The following RAP1B variants were observed in gnomAD, a reference collection of about 807,000 sequenced individuals.
The protein encoded by RAP1B is RAP1B, member of RAS oncogene family, also known as ras-related protein Rap-1b.
A neutral mutation model predicts 27.5 loss-of-function variants in RAP1B; 1 was observed. That is an observed-to-expected ratio of 0.04 (90% CI 0.01 to 0.17). The LOEUF (loss-of-function observed/expected upper bound fraction) is 0.17, where lower values mean the gene tolerates loss of function less well. Among genes scored for constraint, RAP1B ranks in the 10% least tolerant of loss-of-function variants. The pLI, the probability that RAP1B is intolerant of heterozygous loss-of-function variation, is 1.00. For synonymous variants in RAP1B, 75 were observed against 73.1 expected, an observed-to-expected ratio of 1.03 and a Z score of -0.13; for missense variants, 84 against 214.8, an observed-to-expected ratio of 0.39 and a Z score of 3.81.
rs139441891 is a variant in RAP1B at position 68,662,059 on chromosome 12, G to GTATA, written c.*2820_*2823dup. 6.9e-6 allele frequency: 1 copy of GTATA among 145,008 alleles called. No individual in the cohort carries two copies. Among genetic ancestry groups the GTATA allele is most frequent in the Non-Finnish European group, 1.5e-5 (1 of 66,350 alleles). The allele number at this position is 145,008 out of a possible 1,614,324, so 9.0% of individuals were successfully genotyped here. A position where few individuals can be genotyped will look rare whatever the true frequency, so the allele number is the denominator to read the frequency against. On this transcript the variant is annotated 3_prime_UTR_variant, in exon 8 of 8. Coordinates refer to ENST00000250559, the MANE Select transcript of RAP1B (RefSeq NM_001010942.3). ...TATATATAGTACATATATAGAGAGA[G>GTATA]TATATATATATATGTAGTACAGTGG...
intron 1 of RAP1B, chr12:68,643,121 A>G (rs1592452944): frequency 1.7e-6 from 1 of 583,486 alleles, no homozygotes; most frequent in East Asian, 2.9e-5. Flanking sequence ...TTTTCTTCCA[A>G]AATCTCTTCA....
intron 1 of RAP1B, chr12:68,626,814 G>C: frequency 6.7e-7 from 1 of 1,486,416 alleles, no homozygotes; most frequent in Admixed American, 1.8e-5. Context: ...GTTTTGGGTG[G>C]ACAGGAAGTA....
chr12:68,667,103 C>A lies in RAP1B; in HGVS notation c.*7854C>A, dbSNP rs1361931857. On this transcript the variant is annotated 3_prime_UTR_variant, in exon 8 of 8. Coordinates refer to ENST00000250559, the MANE Select transcript of RAP1B (RefSeq NM_001010942.3). ...ATCAATGATGACAGAAACTTCCCCC[C>A]TTTTACTTAGATCTAATAGTAATAT... 1 of 152,166 alleles carries A rather than the reference C, an allele frequency of 6.6e-6. No homozygotes were observed. The highest frequency in any genetic ancestry group is 2.4e-5 in the African/African-American group (1 of 41,434). 9.4% of individuals were successfully genotyped at this position (152,166 alleles called of 1,614,324 possible). A position where few individuals can be genotyped will look rare whatever the true frequency, so the allele number is the denominator to read the frequency against.
At position 68,664,162 on chromosome 12, in the gene RAP1B, C is replaced by T. The variant is rs751682845; in HGVS notation, c.*4913C>T. 4 of 152,226 alleles carry T rather than the reference C, an allele frequency of 2.6e-5. No individual in the cohort carries two copies. The highest frequency in any genetic ancestry group is 2.9e-5 in the Non-Finnish European group (2 of 68,012). 9.4% of individuals were successfully genotyped at this position (152,226 alleles called of 1,614,324 possible). On this transcript the variant is annotated 3_prime_UTR_variant, in exon 8 of 8. Transcript: ENST00000250559. ...TTTCCTGAAAACAAAACAGCACACA[C>T]ATATATTACAGGATTTTTATGTAAT...
At chr12:68,627,255 G>T in intron 1 of RAP1B, 1 of 1,125,490 alleles carries the variant, frequency 8.9e-7, no homozygotes, top group South Asian at 1.2e-5. Context: ...GGGTCCCTTA[G>T]AGCAACCCAT....
intron 1 of RAP1B, among the ~76,000 whole-genome samples, chr12:68,638,414 C>T (rs1205379840): frequency 6.6e-6 from 1 of 152,120 alleles, no homozygotes; most frequent in Non-Finnish European, 1.5e-5. Context: ...AATGTGGTTG[C>T]ATCTTGTCCT....
intron 2 of RAP1B, chr12:68,649,624 C>A (rs1309804484): frequency 6.6e-6 from 1 of 152,166 alleles, no homozygotes; most frequent in African/African-American, 2.4e-5. Context: ...ATAAGATAAA[C>A]CATCTTGGCC....
Position 68,667,217 on chromosome 12 carries a change from C to T in RAP1B, c.*7968C>T, listed in dbSNP as rs1344684761. On this transcript the variant is annotated 3_prime_UTR_variant, in exon 8 of 8. Coordinates refer to ENST00000250559, the MANE Select transcript of RAP1B (RefSeq NM_001010942.3). ...CACCTTTAATCAGACATATGTGATT[C>T]ATATGAGAGAAAATTAGTGTTTCTG... The T allele has an allele frequency of 2.0e-5, 3 of 152,158 alleles. No homozygotes were observed. Among genetic ancestry groups the T allele is most frequent in the East Asian group, 3.8e-4 (2 of 5,202 alleles). 9.4% of individuals were successfully genotyped at this position (152,158 alleles called of 1,614,324 possible). A position where few individuals can be genotyped will look rare whatever the true frequency, so the allele number is the denominator to read the frequency against.
intron 5 of RAP1B, among the ~76,000 whole-genome samples, chr12:68,655,084 G>T (rs1382193020): frequency 6.6e-6 from 1 of 152,094 alleles, no homozygotes; most frequent in African/African-American, 2.4e-5. Flanking sequence ...GCCAAGGCGG[G>T]TAGATCCCCT....
At position 68,661,751 on chromosome 12, in the gene RAP1B, TGGTGAAGAACTACTGCTCTGGTG is replaced by T. The variant is rs1420971123; in HGVS notation, c.*2505_*2527del. Reference sequence around the variant, plus strand: ...GTGAACTTGGAGGGCAAAATCACCCTGGTGAAGAACTACTGCTCTGGTGGGAAACAACACATTAGTTACAGATG... The same window carrying T: ...GTGAACTTGGAGGGCAAAATCACCCTGGAAACAACACATTAGTTACAGATG... On this transcript the variant is annotated 3_prime_UTR_variant, in exon 8 of 8. Coordinates refer to ENST00000250559, the MANE Select transcript of RAP1B (RefSeq NM_001010942.3). The T allele has an allele frequency of 5.3e-5, 8 of 152,038 alleles. No individual in the cohort carries two copies. Among genetic ancestry groups the T allele is most frequent in the African/African-American group, 1.9e-4 (8 of 41,386 alleles). The allele number at this position is 152,038 out of a possible 1,614,324, so 9.4% of individuals were successfully genotyped here. A position where few individuals can be genotyped will look rare whatever the true frequency, so the allele number is the denominator to read the frequency against.
intron 1 of RAP1B, chr12:68,627,228 T>A: frequency 7.1e-7 from 1 of 1,400,664 alleles, no homozygotes; most frequent in East Asian, 2.3e-5. Flanking sequence ...AACATCCATC[T>A]GAAAGGACTG....
At chr12:68,642,325 C>A (rs116186197) in intron 1 of RAP1B, among the ~76,000 whole-genome samples, 3 of 151,414 alleles carry the variant, frequency 2.0e-5, no homozygotes, top group Non-Finnish European at 2.9e-5. Context: ...GAAATTCAAG[C>A]GAGAATGATA....
Position 68,610,965 on chromosome 12 carries a change from C to T in RAP1B, c.-105C>T. On this transcript the variant is annotated 5_prime_UTR_variant, in exon 1 of 8. Transcript: ENST00000250559. Reference sequence around the variant, plus strand: ...CCGGAGCGGCGCGGCAGCGGCAGGACCGCCGTGGCGCCTAGAGTAGCGACC... The same window carrying T: ...CCGGAGCGGCGCGGCAGCGGCAGGATCGCCGTGGCGCCTAGAGTAGCGACC... The T allele has an allele frequency of 3.2e-6, 1 of 315,522 alleles. No homozygotes were observed. Among genetic ancestry groups the T allele is most frequent in the East Asian group, 4.5e-5 (1 of 22,296 alleles). 19.5% of individuals were successfully genotyped at this position (315,522 alleles called of 1,614,324 possible).
At chr12:68,613,961 G>GAGCTACC (rs1349951860) in intron 1 of RAP1B, among the ~76,000 whole-genome samples, 1 of 152,064 alleles carries the variant, frequency 6.6e-6, no homozygotes, top group Admixed American at 6.6e-5. Context: ...CCATAATAAA[G>GAGCTACC]AGCTACCATG....
rs1052720640 is a variant in RAP1B at position 68,671,783 on chromosome 12, C to T, written c.*12534C>T. ...GACATTGTCAGTAACAAGTAAATAA[C>T]ATTTTCTGGAATATAAAAAAAAAAG... is the stretch of plus-strand genomic sequence containing the variant. On this transcript the variant is annotated 3_prime_UTR_variant, in exon 8 of 8. Transcript: ENST00000250559. The T allele has an allele frequency of 2.0e-5, 3 of 151,604 alleles. No homozygotes were observed. Among genetic ancestry groups the T allele is most frequent in the African/African-American group, 7.3e-5 (3 of 41,246 alleles). 9.4% of individuals were successfully genotyped at this position (151,604 alleles called of 1,614,324 possible). A position where few individuals can be genotyped will look rare whatever the true frequency, so the allele number is the denominator to read the frequency against.
At position 68,639,320 on chromosome 12, in the gene RAP1B, A is replaced by G. The variant is rs1327087897; in HGVS notation, c.-26-9379A>G. 1.2e-4 allele frequency among the ~76,000 whole-genome samples: 19 copies of G among 152,200 alleles called. 1 individual carries two copies. Among genetic ancestry groups the G allele is most frequent in the Admixed American group, 1.2e-3 (19 of 15,280 alleles). ...CCTTTCCCTCATTCCATCTTTTTGTAGACAAGGAATCTGGAAACCAAGAAT... is the reference window on the plus strand; with the variant it reads ...CCTTTCCCTCATTCCATCTTTTTGTGGACAAGGAATCTGGAAACCAAGAAT... On this transcript the variant is annotated intron_variant, in intron 1 of 7. Transcript: ENST00000250559.
At chr12:68,627,220 C>T (rs1871860747) in intron 1 of RAP1B, 2 of 1,457,120 alleles carry the variant, frequency 1.4e-6, no homozygotes, top group Non-Finnish European at 1.9e-6. Flanking sequence ...GAAACATGAA[C>T]ATCCATCTGA....
intron 1 of RAP1B, among the ~76,000 whole-genome samples, chr12:68,647,563 C>CT (rs900687101): frequency 8.6e-5 from 13 of 150,738 alleles, no homozygotes; most frequent in Admixed American, 2.6e-4. Context: ...ATACACTGCT[C>CT]TTTTTTTCCC....
At chr12:68,659,023 C>T (rs150936134) in intron 7 of RAP1B, among the ~76,000 whole-genome samples, 61 of 152,236 alleles carry the variant, frequency 4.0e-4, no homozygotes, top group African/African-American at 1.4e-3. Flanking sequence ...CAAAAATTTG[C>T]ACAAAGGTAC....
Sources: allele counts gnomAD v4.1 joint callset (sites outside exome capture counted in the v4.1 genomes callset), GRCh38; gene constraint gnomAD v4.1.1; transcripts MANE v1.5; gene names NCBI Gene and HGNC (gene_info 2026-07-23, HGNC 2026-07-21).